LRP1B: variants seen among roughly 807,000 people sequenced by gnomAD.
LRP1B encodes LDL receptor related protein 1B, also known as low-density lipoprotein receptor-related protein 1B.
A neutral mutation model predicts 556.6 loss-of-function variants in LRP1B; 217 were observed. That is an observed-to-expected ratio of 0.39 (90% CI 0.35 to 0.44). LRP1B has a LOEUF of 0.44. Ranked by LOEUF, LRP1B falls within the 20% of genes least tolerant of loss-of-function variation. The probability of loss-of-function intolerance (pLI) is 1.00; values close to 1 mark genes in which losing one functional copy is unlikely to be tolerated. For missense variants in LRP1B, 5,053 were observed against 5,620.8 expected (o/e 0.90, Z 3.23); for synonymous variants, 2,047 against 1,865.8 (o/e 1.10, Z -2.50).
At chr2:140,280,466 A>G (rs1434235086) in intron 84 of LRP1B, among the ~76,000 whole-genome samples, 1 of 151,744 alleles carries the variant, frequency 6.6e-6, no homozygotes, top group African/African-American at 2.4e-5. Context: ...TAATCATCTT[A>G]TGAACGATGT....
intron 2 of LRP1B, among the ~76,000 whole-genome samples, chr2:141,490,528 A>G (rs1683293891): frequency 6.6e-6 from 1 of 152,154 alleles, no homozygotes. Flanking sequence ...CTTAGAATAT[A>G]GACAAAGTTG....
chr2:141,478,133 A>C (rs1682780039), intron 3 of LRP1B, among the ~76,000 whole-genome samples: 2 of 152,178 alleles, frequency 1.3e-5, no homozygotes, highest in South Asian at 4.1e-4. Context: ...AATTAAAAGT[A>C]TTTTATTTTT....
At chr2:140,948,176 A>G (rs960117777) in intron 20 of LRP1B, among the ~76,000 whole-genome samples, 3 of 152,196 alleles carry the variant, frequency 2.0e-5, no homozygotes, top group African/African-American at 7.2e-5. Context: ...TGAGATGACA[A>G]TAAATTAACT....
Position 142,060,764 on chromosome 2 carries a change from T to C in LRP1B, c.82+69884A>G, listed in dbSNP as rs145830252. On this transcript the variant is annotated intron_variant, in intron 1 of 90. Coordinates refer to ENST00000389484, the MANE Select transcript of LRP1B (RefSeq NM_018557.3). ...GGCAGTAAACAATTGCAAAATAAAA[T>C]GTACAACCACTTCCAATTTGTAAAA... 5.9e-5 allele frequency among the ~76,000 whole-genome samples: 9 copies of C among 152,160 alleles called. No individual in the cohort carries two copies. The East Asian group carries it at 1.7e-3, about 30-fold the overall frequency.
At chr2:140,659,267 T>C (rs1685007379) in intron 41 of LRP1B, among the ~76,000 whole-genome samples, 1 of 151,954 alleles carries the variant, frequency 6.6e-6, no homozygotes, top group South Asian at 2.1e-4. Flanking sequence ...TGTCATCTAA[T>C]AGATACTTTA....
At chr2:141,590,055 T>C (rs1345937936) in intron 2 of LRP1B, among the ~76,000 whole-genome samples, 1 of 152,166 alleles carries the variant, frequency 6.6e-6, no homozygotes, top group Non-Finnish European at 1.5e-5. Context: ...TGGGTTGTAC[T>C]GGAGGCTTAT....
At chr2:140,513,399 CAG>C (rs1322642659) in intron 51 of LRP1B, among the ~76,000 whole-genome samples, 1 of 152,022 alleles carries the variant, frequency 6.6e-6, no homozygotes, top group Non-Finnish European at 1.5e-5. Flanking sequence ...GAGATTGAAA[CAG>C]TGCTCATCCT....
chr2:140,745,829 G>T (rs190454408), intron 35 of LRP1B, among the ~76,000 whole-genome samples: 25 of 152,184 alleles, frequency 1.6e-4, no homozygotes, highest in Admixed American at 1.6e-3. Context: ...ATTAGCTTAT[G>T]GATTATTATA....
At chr2:140,343,586 G>A (rs1681504897) in intron 77 of LRP1B, among the ~76,000 whole-genome samples, 1 of 151,624 alleles carries the variant, frequency 6.6e-6, no homozygotes, top group African/African-American at 2.4e-5. Flanking sequence ...TAGCTGACAC[G>A]GTAAGGTCTC....
intron 41 of LRP1B, among the ~76,000 whole-genome samples, chr2:140,648,678 G>A (rs1684570377): frequency 6.6e-6 from 1 of 152,166 alleles, no homozygotes; most frequent in African/African-American, 2.4e-5. Flanking sequence ...ACATGCCACA[G>A]TCTGAAGTAA....
intron 2 of LRP1B, among the ~76,000 whole-genome samples, chr2:141,525,619 T>G (rs901418696): frequency 6.6e-6 from 1 of 152,010 alleles, no homozygotes; most frequent in Non-Finnish European, 1.5e-5. Context: ...AGAGCAAATA[T>G]ATGTAAGAAC....
chr2:141,158,829 T>G (rs916833905), intron 7 of LRP1B, among the ~76,000 whole-genome samples: 24 of 152,124 alleles, frequency 1.6e-4, no homozygotes, highest in African/African-American at 5.8e-4. Context: ...CATTTAGAGA[T>G]TATAAAATAA....
rs372911577 is a variant in LRP1B at position 140,304,737 on chromosome 2, A to C, written c.12806-6768T>G. 3.1e-4 allele frequency among the ~76,000 whole-genome samples: 47 copies of C among 152,280 alleles called. No homozygotes were observed. In the East Asian group the frequency reaches 7.7e-3, roughly 25 times the overall value. Reference sequence around the variant, plus strand: ...AGACATGAAGTTCTTGCCCATGCCTATGTCCTGAATGGTATTGCCTAGGTT... The same window carrying C: ...AGACATGAAGTTCTTGCCCATGCCTCTGTCCTGAATGGTATTGCCTAGGTT... On this transcript the variant is annotated intron_variant, in intron 83 of 90. Transcript: ENST00000389484.
At chr2:141,229,865 A>G (rs1683392946) in intron 5 of LRP1B, among the ~76,000 whole-genome samples, 1 of 152,134 alleles carries the variant, frequency 6.6e-6, no homozygotes, top group South Asian at 2.1e-4. Context: ...CGGAGCAGAA[A>G]ATGCAAAGCT....
At chr2:140,662,153 C>A in intron 41 of LRP1B, among the ~76,000 whole-genome samples, 1 of 151,684 alleles carries the variant, frequency 6.6e-6, no homozygotes, top group African/African-American at 2.4e-5. Flanking sequence ...ATGATATATC[C>A]ATTATATATT....
intron 10 of LRP1B, among the ~76,000 whole-genome samples, chr2:141,050,698 A>G (rs1038216489): frequency 3.9e-5 from 6 of 152,164 alleles, no homozygotes; most frequent in Non-Finnish European, 8.8e-5. Flanking sequence ...AACCTAGGGA[A>G]TACCATTCAG....
At chr2:140,783,053 A>C (rs1689756676) in intron 32 of LRP1B, among the ~76,000 whole-genome samples, 1 of 152,208 alleles carries the variant, frequency 6.6e-6, no homozygotes, top group Admixed American at 6.5e-5. Context: ...CTCAGTGCAA[A>C]CATAACTTGA....
chr2:141,522,181 T>C (rs1017831253), intron 2 of LRP1B, among the ~76,000 whole-genome samples: 1 of 152,138 alleles, frequency 6.6e-6, no homozygotes, highest in Non-Finnish European at 1.5e-5. Flanking sequence ...CCAGAAACTT[T>C]TGGACAGTGG....
At chr2:141,743,486 C>CTTTTTTTTTTTTTTTTTTTTT (rs765968445) in intron 2 of LRP1B, among the ~76,000 whole-genome samples, 2 of 108,032 alleles carry the variant, frequency 1.9e-5, no homozygotes, top group African/African-American at 3.9e-5. Flanking sequence ...CTGCTTTTTT[C>CTTTTTTTTTTTTTTTTTTTTT]TTTTTTTTTT....
Sources: allele counts gnomAD v4.1 joint callset (sites outside exome capture counted in the v4.1 genomes callset), GRCh38; gene constraint gnomAD v4.1.1; transcripts MANE v1.5; gene names NCBI Gene and HGNC (gene_info 2026-07-23, HGNC 2026-07-21).